ZNF83: variants seen among roughly 807,000 people sequenced by gnomAD.
ZNF83 encodes the protein zinc finger protein 83.
For synonymous variants in ZNF83, 209 were observed against 213.0 expected (o/e 0.98, Z 0.17); for missense variants, 552 against 629.9 (o/e 0.88, Z 1.32).
At chr19:52,685,568 G>A (rs2062000726) in intron 1 of ZNF83, among the ~76,000 whole-genome samples, 2 of 152,144 alleles carry the variant, frequency 1.3e-5, no homozygotes, top group African/African-American at 2.4e-5. Context: ...AAAGTCAGCT[G>A]TAGAACTAAG....
At chr19:52,678,283 T>A (rs2061851159) in intron 1 of ZNF83, among the ~76,000 whole-genome samples, 1 of 150,112 alleles carries the variant, frequency 6.7e-6, no homozygotes. Context: ...AAACCCCGTC[T>A]TACTAAAAAT....
intron 2 of ZNF83, among the ~76,000 whole-genome samples, chr19:52,656,126 T>C (rs1277676271): frequency 1.3e-5 from 2 of 152,068 alleles, no homozygotes; most frequent in East Asian, 1.9e-4. Context: ...GGTAGGAGTA[T>C]AGCTTGAGCT....
chr19:52,667,296 A>G (rs757994857), intron 1 of ZNF83, among the ~76,000 whole-genome samples: 2 of 152,018 alleles, frequency 1.3e-5, no homozygotes, highest in Non-Finnish European at 2.9e-5. Flanking sequence ...TTCTTGTCCT[A>G]AAATAAATCA....
chr19:52,647,134 C>T lies in ZNF83; in HGVS notation c.-74+8427G>A, dbSNP rs115349665. Reference sequence around the variant, plus strand: ...AGAAAGTGGTTTTTTTCCCACCTCACCGCCCCACTTCCTACACCACCCTGC... The same window carrying T: ...AGAAAGTGGTTTTTTTCCCACCTCATCGCCCCACTTCCTACACCACCCTGC... On this transcript the variant is annotated intron_variant, in intron 3 of 5. Coordinates refer to the ZNF83 transcript ENST00000594682. Among the ~76,000 whole-genome samples the T allele has an allele frequency of 6.5e-3, 995 of 152,210 alleles. 6 individuals are homozygous for T. Among genetic ancestry groups the T allele is most frequent in the African/African-American group, 0.023 (943 of 41,506 alleles).
chr19:52,633,290 C>T (rs527854060), intron 2 of ZNF83, among the ~76,000 whole-genome samples: 6 of 151,908 alleles, frequency 3.9e-5, no homozygotes, highest in South Asian at 2.1e-4. Context: ...CATCTCCCTT[C>T]GCTGACTCTC....
At chr19:52,613,682 C>A in exon 3 of ZNF83, 1 of 1,396,914 alleles carries the variant, frequency 7.2e-7, no homozygotes, top group Non-Finnish European at 9.3e-7. Context: ...AAGACCTTGC[C>A]ACACTCATTA....
intron 2 of ZNF83, among the ~76,000 whole-genome samples, chr19:52,656,268 T>A (rs1231254292): frequency 6.6e-6 from 1 of 151,992 alleles, no homozygotes; most frequent in Non-Finnish European, 1.5e-5. Flanking sequence ...ACACCTATAA[T>A]CCTGTCACTT....
At chr19:52,652,070 C>A in intron 3 of ZNF83, 1 of 240,002 alleles carries the variant, frequency 4.2e-6, no homozygotes, top group South Asian at 6.1e-5. Context: ...AAAGACATTG[C>A]CACACCTATT....
chr19:52,676,817 G>A (rs4570981), intron 1 of ZNF83, among the ~76,000 whole-genome samples: 27,822 of 131,494 alleles, frequency 0.21, 3,217 homozygotes, highest in Non-Finnish European at 0.24. Context: ...CTGTTGATCT[G>A]TGACCTTACC....
At chr19:52,662,521 ATCTGAG>A (rs1163984803) in intron 1 of ZNF83, among the ~76,000 whole-genome samples, 1 of 152,124 alleles carries the variant, frequency 6.6e-6, no homozygotes, top group African/African-American at 2.4e-5. Context: ...GTTCAAGATG[ATCTGAG>A]TCTAATTACC....
intron 3 of ZNF83, chr19:52,652,218 C>T: frequency 4.6e-6 from 1 of 218,150 alleles, no homozygotes. Flanking sequence ...GCAGGCGGAT[C>T]ACAAGATCAA....
At chr19:52,630,154 C>T (rs2060899772) in intron 2 of ZNF83, among the ~76,000 whole-genome samples, 1 of 152,218 alleles carries the variant, frequency 6.6e-6, no homozygotes, top group Admixed American at 6.5e-5. Context: ...GACCGTTCAA[C>T]TCACTTGGCA....
chr19:52,645,262 A>G (rs2061357590), intron 3 of ZNF83, among the ~76,000 whole-genome samples: 1 of 152,244 alleles, frequency 6.6e-6, no homozygotes, highest in Non-Finnish European at 1.5e-5. Flanking sequence ...GAAACAATCA[A>G]ACCTCTGCAT....
intron 1 of ZNF83, among the ~76,000 whole-genome samples, chr19:52,672,659 G>A (rs1031401761): frequency 6.6e-6 from 1 of 152,180 alleles, no homozygotes; most frequent in Admixed American, 6.5e-5. Flanking sequence ...GGGTGCAATG[G>A]CACGGTCTCG....
chr19:52,624,602 TC>T (rs1275601686), intron 2 of ZNF83, among the ~76,000 whole-genome samples: 1 of 152,210 alleles, frequency 6.6e-6, no homozygotes, highest in African/African-American at 2.4e-5. Flanking sequence ...ACACTAGCTC[TC>T]CCTGACTCAT....
exon 3 of ZNF83, chr19:52,612,914 TA>T: frequency 9.7e-7 from 1 of 1,035,304 alleles, no homozygotes; most frequent in Non-Finnish European, 1.4e-6. Flanking sequence ...GAACAAAAAC[TA>T]AAGGCTCTGC....
intron 1 of ZNF83, among the ~76,000 whole-genome samples, chr19:52,677,469 G>A (rs985907708): frequency 6.6e-6 from 1 of 151,988 alleles, no homozygotes; most frequent in Non-Finnish European, 1.5e-5. Context: ...ATGGGTGACA[G>A]AGTGAGACTC....
intron 2 of ZNF83, among the ~76,000 whole-genome samples, chr19:52,624,409 AAAC>A (rs2060659941): frequency 6.6e-6 from 1 of 152,106 alleles, no homozygotes; most frequent in Non-Finnish European, 1.5e-5. Flanking sequence ...CCCTTCTATA[AAAC>A]AACAACTCCT....
rs534154104 is a variant in ZNF83 at position 52,614,394 on chromosome 19, T to C, written c.171A>G (p.Gln57=). Residue 57 remains glutamine (Q), a synonymous_variant, in exon 3 of 3, where the codon CAA becomes CAG. Coordinates refer to ENST00000301096, the Ensembl canonical transcript of ZNF83. ...GGGTTTTGACAGTAGAAGAAATACGTTGGGGTGGGGAAACTAAGGAACTAC... is the reference window on the plus strand; with the variant it reads ...GGGTTTTGACAGTAGAAGAAATACGCTGGGGTGGGGAAACTAAGGAACTAC... The C allele has an allele frequency of 1.7e-4, 267 of 1,613,268 alleles. 1 individual carries two copies. In the South Asian group the frequency reaches 2.7e-3, roughly 16 times the overall value.
Sources: allele counts gnomAD v4.1 joint callset (sites outside exome capture counted in the v4.1 genomes callset), GRCh38; gene constraint gnomAD v4.1.1; transcripts MANE v1.5; gene names NCBI Gene and HGNC (gene_info 2026-07-23, HGNC 2026-07-21).